GPC5: variants seen among roughly 807,000 people sequenced by gnomAD.
GPC5 encodes glypican-5.
GPC5 carries 47 observed loss-of-function variants against 53.9 expected under a neutral mutation model. That is an observed-to-expected ratio of 0.87 (90% CI 0.69 to 1.11). The LOEUF is 1.11. Among genes scored for constraint, GPC5 ranks in the 50% most tolerant of loss-of-function variants. The pLI, the probability that GPC5 is intolerant of heterozygous loss-of-function variation, is 0.00. For synonymous variants in GPC5, 286 were observed against 263.3 expected (o/e 1.09, Z -0.84); for missense variants, 748 against 713.1 (o/e 1.05, Z -0.56).
At chr13:91,502,451 G>A (rs945890310) in intron 2 of GPC5, among the ~76,000 whole-genome samples, 22 of 152,124 alleles carry the variant, frequency 1.4e-4, no homozygotes, top group African/African-American at 4.8e-4. Flanking sequence ...TTAAAAGGAG[G>A]CAGGTGAACA....
At chr13:92,066,557 G>T (rs563440301) in intron 6 of GPC5, among the ~76,000 whole-genome samples, 2 of 151,984 alleles carry the variant, frequency 1.3e-5, no homozygotes, top group East Asian at 1.9e-4. Context: ...ATAGCAAAGC[G>T]CACATTATAT....
intron 7 of GPC5, among the ~76,000 whole-genome samples, chr13:92,569,687 T>G (rs1882963760): frequency 6.6e-6 from 1 of 152,148 alleles, no homozygotes; most frequent in Non-Finnish European, 1.5e-5. Flanking sequence ...AAATTCTGTT[T>G]TGCAAGTCTA....
intron 7 of GPC5, among the ~76,000 whole-genome samples, chr13:92,290,292 C>T (rs1474640461): frequency 6.6e-6 from 1 of 152,118 alleles, no homozygotes; most frequent in Non-Finnish European, 1.5e-5. Context: ...AATCCTATAT[C>T]ATCTAAATTG....
intron 7 of GPC5, among the ~76,000 whole-genome samples, chr13:92,725,564 T>C (rs1888620560): frequency 6.6e-6 from 1 of 151,606 alleles, no homozygotes; most frequent in Non-Finnish European, 1.5e-5. Context: ...TTAGAAATTA[T>C]CCCTCAGTGA....
chr13:91,699,840 TATATA>T (rs1352824617), intron 3 of GPC5, among the ~76,000 whole-genome samples: 1 of 152,242 alleles, frequency 6.6e-6, no homozygotes, highest in African/African-American at 2.4e-5. Flanking sequence ...TTCTGGTCAC[TATATA>T]GTGTTGAGGA....
intron 7 of GPC5, among the ~76,000 whole-genome samples, chr13:92,768,723 CCT>C (rs1875504135): frequency 2.0e-5 from 3 of 151,702 alleles, no homozygotes; most frequent in East Asian, 1.9e-4. Flanking sequence ...CTCTCTTCCC[CCT>C]GTCTTGCCAC....
chr13:92,111,518 C>T lies in GPC5; in HGVS notation c.1402-33312C>T, dbSNP rs1337040449. On this transcript the variant is annotated intron_variant, in intron 6 of 7. Transcript: ENST00000377067. ...GAAATTACTTATTTATACTTATTTT[C>T]TTGAATAACATCAGTTAGCAACTAG... Among the ~76,000 whole-genome samples, 3 of 152,056 alleles carry T rather than the reference C, an allele frequency of 2.0e-5. No individual in the cohort carries two copies. In the East Asian group the frequency reaches 5.8e-4, roughly 29 times the overall value.
chr13:91,581,985 C>G (rs947652380), intron 2 of GPC5, among the ~76,000 whole-genome samples: 1 of 151,994 alleles, frequency 6.6e-6, no homozygotes. Context: ...AAAATGAAAC[C>G]CAGGATGCTA....
At chr13:92,248,948 TGGAGAGCAGA>T (rs2139126098) in intron 7 of GPC5, among the ~76,000 whole-genome samples, 1 of 152,274 alleles carries the variant, frequency 6.6e-6, no homozygotes, top group Admixed American at 6.6e-5. Context: ...ATTCATTACG[TGGAGAGCAGA>T]TACAAGGATT....
At chr13:91,731,028 A>G (rs1022798433) in intron 4 of GPC5, among the ~76,000 whole-genome samples, 1 of 152,216 alleles carries the variant, frequency 6.6e-6, no homozygotes, top group South Asian at 2.1e-4. Flanking sequence ...GTCCCACAGG[A>G]TATCTAGACA....
intron 1 of GPC5, among the ~76,000 whole-genome samples, chr13:91,431,399 C>T (rs1879436517): frequency 6.6e-6 from 1 of 152,162 alleles, no homozygotes; most frequent in African/African-American, 2.4e-5. Context: ...CTGTCTTCTC[C>T]TACTACCTTC....
intron 7 of GPC5, among the ~76,000 whole-genome samples, chr13:92,574,289 CA>C (rs1395164095): frequency 1.3e-5 from 2 of 152,180 alleles, no homozygotes; most frequent in Non-Finnish European, 2.9e-5. Flanking sequence ...AGCACCTTTT[CA>C]GAGTGCATCC....
intron 7 of GPC5, among the ~76,000 whole-genome samples, chr13:92,843,041 T>C (rs576141235): frequency 6.6e-6 from 1 of 152,302 alleles, no homozygotes; most frequent in South Asian, 2.1e-4. Flanking sequence ...TTTCCTGCTT[T>C]GGAATTATAA....
chr13:92,554,805 A>G (rs114348115), intron 7 of GPC5, among the ~76,000 whole-genome samples: 1,997 of 151,280 alleles, frequency 0.013, 37 homozygotes, highest in African/African-American at 0.046. Flanking sequence ...ATAACATTCT[A>G]TAAAATTAAT....
intron 7 of GPC5, among the ~76,000 whole-genome samples, chr13:92,846,448 T>C (rs1191633857): frequency 6.6e-6 from 1 of 152,198 alleles, no homozygotes; most frequent in Non-Finnish European, 1.5e-5. Flanking sequence ...AATTTGGTAT[T>C]GTGGATTCAT....
intron 5 of GPC5, among the ~76,000 whole-genome samples, chr13:91,846,679 C>T (rs1002227917): frequency 6.6e-5 from 10 of 151,956 alleles, no homozygotes; most frequent in African/African-American, 2.4e-4. Context: ...ACTTGGATAC[C>T]TCTGCAAGTA....
intron 7 of GPC5, among the ~76,000 whole-genome samples, chr13:92,204,484 C>T (rs1037769059): frequency 2.0e-5 from 3 of 152,112 alleles, no homozygotes; most frequent in Admixed American, 6.5e-5. Flanking sequence ...GCCCAGACTT[C>T]GGAAACCAAC....
At chr13:91,558,140 G>A (rs763383634) in intron 2 of GPC5, among the ~76,000 whole-genome samples, 3 of 152,148 alleles carry the variant, frequency 2.0e-5, no homozygotes, top group Non-Finnish European at 4.4e-5. Flanking sequence ...TACTGAAGCT[G>A]TAACTTTGGA....
At chr13:92,456,506 A>T (rs998687718) in intron 7 of GPC5, among the ~76,000 whole-genome samples, 3 of 152,100 alleles carry the variant, frequency 2.0e-5, no homozygotes, top group African/African-American at 4.8e-5. Context: ...AACACCTTGG[A>T]CTAGCTACAT....
Sources: gnomAD v4.1 joint callset for allele counts (sites outside exome capture counted in the v4.1 genomes callset) on GRCh38, gnomAD v4.1.1 for gene constraint, MANE v1.5 for transcripts, NCBI Gene and HGNC (gene_info 2026-07-23, HGNC 2026-07-21) for gene names.